SPIDR: variants seen among roughly 807,000 people sequenced by gnomAD.
SPIDR encodes the protein scaffold protein involved in DNA repair, also known as DNA repair-scaffolding protein.
A neutral mutation model predicts 104.6 loss-of-function variants in SPIDR; 93 were observed. The ratio of observed to expected loss-of-function variants is 0.89; its 90% CI spans 0.75 to 1.06. The LOEUF is 1.06. Among genes scored for constraint, SPIDR ranks in the 50% least tolerant of loss-of-function variants. The pLI is 0.00. For missense variants in SPIDR, 1,154 were observed against 1,111.2 expected (o/e 1.04, Z -0.55); for synonymous variants, 431 against 416.9 (o/e 1.03, Z -0.41).
intron 5 of SPIDR, among the ~76,000 whole-genome samples, chr8:47,317,518 C>G (rs1335636087): frequency 6.6e-6 from 1 of 152,096 alleles, no homozygotes; most frequent in Non-Finnish European, 1.5e-5. Flanking sequence ...TAGACTCCAC[C>G]TCTGGAGGCA....
intron 18 of SPIDR, 107 bp from the exon 19 acceptor site, chr8:47,729,305 G>C: frequency 6.7e-7 from 1 of 1,485,990 alleles, no homozygotes; most frequent in South Asian, 1.2e-5. Flanking sequence ...AAGCTCTGAA[G>C]ACAGGTGGTT....
At chr8:47,336,234 G>A (rs917063161) in intron 5 of SPIDR, among the ~76,000 whole-genome samples, 20 of 152,108 alleles carry the variant, frequency 1.3e-4, no homozygotes, top group African/African-American at 4.6e-4. Flanking sequence ...TTTATGTTTG[G>A]TGTTTTTACA....
intron 8 of SPIDR, among the ~76,000 whole-genome samples, chr8:47,504,738 G>A (rs1421976386): frequency 6.6e-6 from 1 of 152,176 alleles, no homozygotes; most frequent in African/African-American, 2.4e-5. Flanking sequence ...CAGTTTTTCT[G>A]CTCTGTTTTT....
At chr8:47,726,255 C>T (rs952884943) in intron 16 of SPIDR, among the ~76,000 whole-genome samples, 4 of 152,202 alleles carry the variant, frequency 2.6e-5, no homozygotes, top group African/African-American at 7.2e-5. Flanking sequence ...TGCATGAATG[C>T]ACTTTAATAA....
chr8:47,295,370 T>C (rs1215931536), intron 5 of SPIDR, among the ~76,000 whole-genome samples: 3 of 152,200 alleles, frequency 2.0e-5, no homozygotes, highest in African/African-American at 4.8e-5. Flanking sequence ...ATTATTATAG[T>C]CTTCATTCTG....
chr8:47,402,249 G>A (rs566460969), intron 6 of SPIDR, among the ~76,000 whole-genome samples: 1 of 152,280 alleles, frequency 6.6e-6, no homozygotes, highest in East Asian at 1.9e-4. Flanking sequence ...ACAAGAGAAA[G>A]CAGGAAAGAT....
At chr8:47,637,173 C>G (rs779371503) in intron 10 of SPIDR, among the ~76,000 whole-genome samples, 6 of 152,252 alleles carry the variant, frequency 3.9e-5, no homozygotes, top group Non-Finnish European at 8.8e-5. Context: ...CCACATTATA[C>G]TCAGTTGCCA....
At chr8:47,346,286 A>G (rs1355996354) in intron 5 of SPIDR, among the ~76,000 whole-genome samples, 1 of 152,152 alleles carries the variant, frequency 6.6e-6, no homozygotes, top group Non-Finnish European at 1.5e-5. Context: ...GCGTATATTG[A>G]ATGAAGCAGC....
In SPIDR at chr8:47,261,559, A is replaced by G. The variant is rs78770037; in HGVS notation, c.33+568A>G. On this transcript the variant is annotated intron_variant, in intron 1 of 19. Transcript: ENST00000297423. ...CGAGTGCATCCTTTTTTGTTCTGCT[A>G]ATTGTGCTTGTCATGGCATGTGTCC... Among the ~76,000 whole-genome samples the G allele has an allele frequency of 3.1e-3, 479 of 152,250 alleles. 3 individuals are homozygous for G. Among genetic ancestry groups the G allele is most frequent in the Non-Finnish European group, 5.1e-3 (346 of 68,002 alleles).
intron 1 of SPIDR, among the ~76,000 whole-genome samples, chr8:47,278,602 C>A (rs2037079189): frequency 6.6e-6 from 1 of 151,988 alleles, no homozygotes; most frequent in African/African-American, 2.4e-5. Flanking sequence ...CTAGTCACCT[C>A]CAAAGGCCTC....
chr8:47,526,802 G>A (rs547642771), intron 8 of SPIDR, among the ~76,000 whole-genome samples: 1 of 152,202 alleles, frequency 6.6e-6, no homozygotes, highest in Non-Finnish European at 1.5e-5. Context: ...ATAAGAAAAA[G>A]TTGAACAAAC....
At chr8:47,296,947 A>G (rs886807895) in intron 5 of SPIDR, among the ~76,000 whole-genome samples, 7 of 152,120 alleles carry the variant, frequency 4.6e-5, no homozygotes, top group Admixed American at 2.0e-4. Flanking sequence ...ATATACATCT[A>G]TTGCCTCCTT....
At chr8:47,262,609 A>AAG (rs898206197) in intron 1 of SPIDR, among the ~76,000 whole-genome samples, 3 of 152,174 alleles carry the variant, frequency 2.0e-5, no homozygotes, top group East Asian at 1.9e-4. Context: ...TCCCAAGAGC[A>AAG]AGAGAGAGAG....
chr8:47,613,639 G>C (rs187835623), intron 10 of SPIDR, among the ~76,000 whole-genome samples: 1 of 151,986 alleles, frequency 6.6e-6, no homozygotes, highest in African/African-American at 2.4e-5. Context: ...CCACATCCTC[G>C]CCAGCACTTG....
At chr8:47,284,939 C>T (rs2038537560) in intron 3 of SPIDR, among the ~76,000 whole-genome samples, 1 of 152,236 alleles carries the variant, frequency 6.6e-6, no homozygotes, top group Non-Finnish European at 1.5e-5. Flanking sequence ...AGGCAGTCAG[C>T]CCCGCTGTGG....
intron 8 of SPIDR, among the ~76,000 whole-genome samples, chr8:47,460,558 G>C (rs1554712785): frequency 6.6e-6 from 1 of 152,096 alleles, no homozygotes; most frequent in African/African-American, 2.4e-5. Context: ...GAGTCCTTAT[G>C]TGTTAGGTAA....
At chr8:47,684,651 A>C (rs1563536457) in intron 11 of SPIDR, among the ~76,000 whole-genome samples, 1 of 152,190 alleles carries the variant, frequency 6.6e-6, no homozygotes, top group Non-Finnish European at 1.5e-5. Flanking sequence ...TCTTCCTCAG[A>C]CTTTCTCTTT....
intron 5 of SPIDR, chr8:47,330,891 T>G (rs2048549413): frequency 2.3e-6 from 1 of 426,060 alleles, no homozygotes; most frequent in African/African-American, 2.0e-5. Context: ...TATTGGATTG[T>G]ATTGGTAAGA....
chr8:47,704,708 C>A (rs2080823779), intron 14 of SPIDR, among the ~76,000 whole-genome samples: 1 of 152,190 alleles, frequency 6.6e-6, no homozygotes, highest in Non-Finnish European at 1.5e-5. Flanking sequence ...CATCTGTTCC[C>A]CTTTTCATCA....
Sources: allele counts gnomAD v4.1 joint callset (sites outside exome capture counted in the v4.1 genomes callset), GRCh38; gene constraint gnomAD v4.1.1; transcripts MANE v1.5; gene names NCBI Gene and HGNC (gene_info 2026-07-23, HGNC 2026-07-21).